The following ADGRG5 variants were observed in gnomAD, a reference collection of about 807,000 sequenced individuals.
ADGRG5 encodes the protein G protein-coupled receptor 114.
In ADGRG5, 37 loss-of-function variants were observed where a neutral mutation model predicts 53.2. That is an observed-to-expected ratio of 0.70 (90% CI 0.53 to 0.91). The LOEUF (loss-of-function observed/expected upper bound fraction) is 0.91. Among genes scored for constraint, ADGRG5 ranks in the 40% least tolerant of loss-of-function variants. The pLI is 0.00. For missense variants in ADGRG5, 614 were observed against 675.8 expected (o/e 0.91, Z 1.01); for synonymous variants, 277 against 290.4 (o/e 0.95, Z 0.47).
Position 57,574,796 on chromosome 16 carries a change from A to C in ADGRG5, c.1209-19A>C. 6.5e-7 allele frequency: 1 copy of C among 1,546,872 alleles called. No individual in the cohort carries two copies. The highest frequency in any genetic ancestry group is 8.7e-7 in the Non-Finnish European group (1 of 1,145,168). On this transcript the variant is annotated intron_variant, in intron 10 of 11. Transcript: ENST00000349457. The surrounding 1 kb of genome is among the most constrained non-coding windows in gnomAD (Gnocchi z 4.4). ...GCCTGGGAGCCACTGTGAGCCTGAC[A>C]CGTCACCCTCCCCTGCAGATGCTGG... is the stretch of plus-strand genomic sequence containing the variant.
At chr16:57,531,544 A>G in the ADGRG5 span, among the ~76,000 whole-genome samples, 6 of 152,202 alleles carry the variant, frequency 3.9e-5, no homozygotes, top group Non-Finnish European at 7.3e-5. Context: ...AGCAACAGCC[A>G]GAGTGAGTTC....
upstream of ADGRG5, among the ~76,000 whole-genome samples, chr16:57,541,038 G>A (rs1267529785): frequency 6.6e-6 from 1 of 152,152 alleles, no homozygotes; most frequent in African/African-American, 2.4e-5. Flanking sequence ...TAATCTGCCT[G>A]CCTCCACCTC....
chr16:57,543,278 C>CTTTTTTTTT (rs3030608), intron 1 of ADGRG5: 5 of 81,492 alleles, frequency 6.1e-5, no homozygotes, highest in Admixed American at 1.5e-4. Flanking sequence ...TTTCTTAGGG[C>CTTTTTTTTT]TTTTTTTTTT....
chr16:57,533,465 CAGT>C, the ADGRG5 span, among the ~76,000 whole-genome samples: 1 of 151,388 alleles, frequency 6.6e-6, no homozygotes, highest in Admixed American at 6.6e-5. Context: ...CATACAGCCC[CAGT>C]AATGCACACA....
Position 57,575,718 on chromosome 16 carries a change from C to A in ADGRG5, c.*180C>A. 1 of 584,728 alleles carries A rather than the reference C, an allele frequency of 1.7e-6. No individual in the cohort carries two copies. Among genetic ancestry groups the A allele is most frequent in the Admixed American group, 3.0e-5 (1 of 33,508 alleles). The allele number at this position is 584,728 out of a possible 1,614,324, so 36.2% of individuals were successfully genotyped here. A position where few individuals can be genotyped will look rare whatever the true frequency, so the allele number is the denominator to read the frequency against. Reference sequence around the variant, plus strand: ...CTGAGGGGAAGGCATTGCTCTACCTCTCCCTGACATTTTGCTCCGGGGCAG... The same window carrying A: ...CTGAGGGGAAGGCATTGCTCTACCTATCCCTGACATTTTGCTCCGGGGCAG... On this transcript the variant is annotated 3_prime_UTR_variant, in exon 12 of 12. Coordinates refer to ENST00000349457, the MANE Select transcript of ADGRG5 (RefSeq NM_001304376.3).
intron 1 of ADGRG5, among the ~76,000 whole-genome samples, chr16:57,558,424 A>G (rs1171350349): frequency 6.6e-6 from 1 of 152,252 alleles, no homozygotes; most frequent in Non-Finnish European, 1.5e-5. Flanking sequence ...CATTGCATGC[A>G]TGCAACACAG....
chr16:57,556,950 C>T (rs1312610022), intron 1 of ADGRG5, among the ~76,000 whole-genome samples: 2 of 135,488 alleles, frequency 1.5e-5, no homozygotes, highest in Non-Finnish European at 3.0e-5. Flanking sequence ...TGCTCTGTCA[C>T]CCAGGCTGGA....
At chr16:57,548,612 C>T (rs1353954636) in intron 1 of ADGRG5, among the ~76,000 whole-genome samples, 1 of 152,164 alleles carries the variant, frequency 6.6e-6, no homozygotes, top group Non-Finnish European at 1.5e-5. Flanking sequence ...CACACTCCCC[C>T]TCCCTAACCC....
chr16:57,535,932 C>T, the ADGRG5 span, among the ~76,000 whole-genome samples: 1 of 152,180 alleles, frequency 6.6e-6, no homozygotes, highest in South Asian at 2.1e-4. Flanking sequence ...GAAGCCCCAG[C>T]CCTGCGTCGC....
At chr16:57,529,193 G>A in the ADGRG5 span, 2 of 1,176,614 alleles carry the variant, frequency 1.7e-6, no homozygotes, top group South Asian at 4.2e-5. This position sits in a 1 kb window ranked among gnomAD's most constrained non-coding sequence, Gnocchi z 4.1. Context: ...GGCCGGGCGG[G>A]CCCTGAGCTC....
At chr16:57,533,584 G>A in the ADGRG5 span, among the ~76,000 whole-genome samples, 1 of 139,202 alleles carries the variant, frequency 7.2e-6, no homozygotes. Context: ...CCCCAGTAAC[G>A]CGCACACTCA....
chr16:57,563,587 G>A (rs573153146), intron 4 of ADGRG5, among the ~76,000 whole-genome samples: 2 of 152,220 alleles, frequency 1.3e-5, no homozygotes, highest in Non-Finnish European at 2.9e-5. Flanking sequence ...GGCAGGGGCT[G>A]GGGCTGGTGC....
chr16:57,548,176 CTT>C (rs57571395), intron 1 of ADGRG5, among the ~76,000 whole-genome samples: 14 of 141,692 alleles, frequency 9.9e-5, no homozygotes, highest in Non-Finnish European at 1.7e-4. Flanking sequence ...CTATACACAT[CTT>C]TTTTTTTTTT....
intron 2 of ADGRG5, 73 bp downstream of exon 2, chr16:57,562,230 C>G (rs1324088716): frequency 6.7e-7 from 1 of 1,499,308 alleles, no homozygotes; most frequent in African/African-American, 1.4e-5. Context: ...GGGGAGGCGT[C>G]AAACCATGGG....
intron 10 of ADGRG5, among the ~76,000 whole-genome samples, chr16:57,573,853 C>T (rs1389414874): frequency 6.6e-6 from 1 of 152,128 alleles, no homozygotes. Context: ...TCCCGAGCAG[C>T]TGGGATTACA....
At chr16:57,532,647 C>T in the ADGRG5 span, among the ~76,000 whole-genome samples, 1 of 152,130 alleles carries the variant, frequency 6.6e-6, no homozygotes, top group Non-Finnish European at 1.5e-5. Flanking sequence ...AGCACACTGA[C>T]ACACAGGTAC....
intron 8 of ADGRG5, 25 bp downstream of exon 8, chr16:57,567,616 C>T: frequency 6.2e-7 from 1 of 1,606,054 alleles, no homozygotes; most frequent in Non-Finnish European, 8.5e-7. Context: ...CAGTGCTGGG[C>T]CTGCCCTGCA....
At chr16:57,563,063 C>T (rs766178546) in intron 3 of ADGRG5, 28 bp from the exon 4 acceptor site, 1 of 1,613,580 alleles carries the variant, frequency 6.2e-7, no homozygotes, top group Non-Finnish European at 8.5e-7. Context: ...CGGGCTCTGG[C>T]CTCCCTGGCC....
chr16:57,536,683 CG>C, the ADGRG5 span: 2 of 152,116 alleles, frequency 1.3e-5, no homozygotes, highest in Admixed American at 6.5e-5. Context: ...GCTGCGGCCC[CG>C]CTGTGACCCC....
Sources: gnomAD v4.1 joint callset for allele counts (sites outside exome capture counted in the v4.1 genomes callset) on GRCh38, gnomAD v4.1.1 for gene constraint, Gnocchi (gnomAD v3.1) non-coding constraint, MANE v1.5 for transcripts, NCBI Gene and HGNC (gene_info 2026-07-23, HGNC 2026-07-21) for gene names.